The following CAST variants were observed in gnomAD, a reference collection of about 807,000 sequenced individuals.
CAST encodes the protein MIR583 host.
Under a neutral mutation model 119.6 loss-of-function variants are expected in CAST, and 76 were observed. That is an observed-to-expected ratio of 0.64 (90% CI 0.53 to 0.77). CAST has a LOEUF of 0.77. Among genes scored for constraint, CAST ranks in the 30% least tolerant of loss-of-function variants. The pLI, the probability that CAST is intolerant of heterozygous loss-of-function variation, is 0.00. For missense variants in CAST, 953 were observed against 946.5 expected, an observed-to-expected ratio of 1.01 and a Z score of -0.09; for synonymous variants, 319 against 331.6, an observed-to-expected ratio of 0.96 and a Z score of 0.41.
chr5:96,288,658 A>G, the CAST span, among the ~76,000 whole-genome samples: 1 of 152,200 alleles, frequency 6.6e-6, no homozygotes, highest in African/African-American at 2.4e-5. Flanking sequence ...AACCTTAGAC[A>G]TATGACTATG....
upstream of CAST, among the ~76,000 whole-genome samples, chr5:96,523,388 C>T (rs1745547907): frequency 6.6e-6 from 1 of 152,196 alleles, no homozygotes; most frequent in South Asian, 2.1e-4. Context: ...AGACTCTTCT[C>T]ATATTGTTAT....
At chr5:96,757,687 G>GTTTTTTTTTTTTTT (rs369438033) in intron 24 of CAST, 33 bp downstream of exon 24, 2 of 1,097,078 alleles carry the variant, frequency 1.8e-6, no homozygotes, top group Non-Finnish European at 1.3e-6. Flanking sequence ...TATTTCTTTA[G>GTTTTTTTTTTTTTT]TTTTTTTTTT....
the CAST span, among the ~76,000 whole-genome samples, chr5:96,357,291 A>G: frequency 6.6e-6 from 1 of 152,124 alleles, no homozygotes; most frequent in East Asian, 1.9e-4. Flanking sequence ...AGACAATTTG[A>G]CTTCCTCTCT....
chr5:96,513,124 T>C, the CAST span, among the ~76,000 whole-genome samples: 1 of 152,226 alleles, frequency 6.6e-6, no homozygotes, highest in Non-Finnish European at 1.5e-5. Flanking sequence ...ATTCGGCTGC[T>C]AATTGGTTGT....
chr5:96,268,688 C>A, the CAST span, among the ~76,000 whole-genome samples: 1 of 152,118 alleles, frequency 6.6e-6, no homozygotes, highest in Non-Finnish European at 1.5e-5. Flanking sequence ...CAAGAAACCA[C>A]CTTCATCTTT....
chr5:96,132,276 A>AT, the CAST span, among the ~76,000 whole-genome samples: 2 of 152,102 alleles, frequency 1.3e-5, no homozygotes, highest in African/African-American at 4.8e-5. Flanking sequence ...CTTTTAAAAA[A>AT]TTTTATTGAT....
the CAST span, among the ~76,000 whole-genome samples, chr5:96,042,959 G>T: frequency 6.6e-6 from 1 of 152,074 alleles, no homozygotes; most frequent in African/African-American, 2.4e-5. Flanking sequence ...GAAAAGACTG[G>T]TCAAATAAAC....
the CAST span, among the ~76,000 whole-genome samples, chr5:96,265,554 C>T: frequency 6.6e-6 from 1 of 151,982 alleles, no homozygotes; most frequent in Non-Finnish European, 1.5e-5. Flanking sequence ...GGAAATTTGC[C>T]CTTCCTCTAC....
the CAST span, among the ~76,000 whole-genome samples, chr5:96,493,576 G>C: frequency 6.6e-6 from 1 of 152,178 alleles, no homozygotes; most frequent in Non-Finnish European, 1.5e-5. Context: ...ATCATGCTGG[G>C]TGTACTGTGA....
At chr5:95,978,385 C>A in the CAST span, among the ~76,000 whole-genome samples, 1 of 152,096 alleles carries the variant, frequency 6.6e-6, no homozygotes, top group Admixed American at 6.6e-5. Flanking sequence ...TGATTTGCAT[C>A]TCTCTAATGA....
At chr5:96,593,011 C>G (rs375091970) in intron 1 of CAST, among the ~76,000 whole-genome samples, 1 of 152,152 alleles carries the variant, frequency 6.6e-6, no homozygotes, top group Non-Finnish European at 1.5e-5. Context: ...GTGATCCGCC[C>G]GCCTCGGCCT....
the CAST span, chr5:95,961,603 C>T: frequency 6.2e-7 from 1 of 1,605,552 alleles, no homozygotes; most frequent in Non-Finnish European, 8.5e-7. Context: ...CTCGAGCGCC[C>T]GGATCGCCGT....
the CAST span, among the ~76,000 whole-genome samples, chr5:96,084,763 T>A: frequency 3.2e-4 from 49 of 152,202 alleles, no homozygotes; most frequent in African/African-American, 1.2e-3. Context: ...GGGAGAGGAA[T>A]CTGAATGACC....
chr5:96,439,634 C>T, the CAST span, among the ~76,000 whole-genome samples: 2 of 152,170 alleles, frequency 1.3e-5, no homozygotes, highest in Admixed American at 6.6e-5. Context: ...TCCCCAGAGA[C>T]ATCAGGCACA....
chr5:96,036,099 A>G, the CAST span, among the ~76,000 whole-genome samples: 19 of 152,058 alleles, frequency 1.2e-4, no homozygotes, highest in Middle Eastern at 3.4e-3. Context: ...GAGAGAGAGA[A>G]AAAGCAGGAT....
At chr5:96,427,846 A>G in the CAST span, among the ~76,000 whole-genome samples, 2 of 152,174 alleles carry the variant, frequency 1.3e-5, no homozygotes, top group African/African-American at 2.4e-5. Flanking sequence ...CCAGAGTGCT[A>G]GAAGTTATTC....
chr5:96,113,501 A>G, the CAST span, among the ~76,000 whole-genome samples: 295 of 152,358 alleles, frequency 1.9e-3, no homozygotes, highest in African/African-American at 6.8e-3. Context: ...CTTTGCAAGG[A>G]TTAATGCTTT....
chr5:96,749,892 A>G (rs1764605939), intron 19 of CAST, among the ~76,000 whole-genome samples: 1 of 152,210 alleles, frequency 6.6e-6, no homozygotes. Context: ...AGTGGTTCTC[A>G]AACTTTAGCA....
chr5:96,525,674 C>T (rs150773905), upstream of CAST, among the ~76,000 whole-genome samples: 86 of 152,212 alleles, frequency 5.7e-4, no homozygotes, highest in African/African-American at 2.0e-3. Flanking sequence ...TCTGGATAAT[C>T]AAGTATAAAT....
Sources: allele counts gnomAD v4.1 joint callset (sites outside exome capture counted in the v4.1 genomes callset), GRCh38; gene constraint gnomAD v4.1.1; transcripts MANE v1.5; gene names NCBI Gene and HGNC (gene_info 2026-07-23, HGNC 2026-07-21).